RSRC2: variants seen among roughly 807,000 people sequenced by gnomAD.
The protein encoded by RSRC2 is arginine and serine rich coiled-coil 2.
A neutral mutation model predicts 61.3 loss-of-function variants in RSRC2; 5 were observed. The observed-to-expected ratio is 0.08, with a 90% CI of 0.04 to 0.17. The LOEUF (loss-of-function observed/expected upper bound fraction) is 0.17, where lower values mean the gene tolerates loss of function less well. RSRC2 is among the 10% of genes least tolerant of loss of function. RSRC2 has a pLI of 1.00. For missense variants in RSRC2, 381 were observed against 518.8 expected, an observed-to-expected ratio of 0.73 and a Z score of 2.58; for synonymous variants, 202 against 166.5, an observed-to-expected ratio of 1.21 and a Z score of -1.64.
chr12:122,517,994 G>A (rs1959061292), intron 4 of RSRC2, among the ~76,000 whole-genome samples: 1 of 152,200 alleles, frequency 6.6e-6, no homozygotes, highest in African/African-American at 2.4e-5. Flanking sequence ...GTGCCAGACA[G>A]ATTAAGTGGT....
rs552745240 is a variant in RSRC2 at position 122,504,926 on chromosome 12, T to A, written c.*601A>T. 6.5e-6 allele frequency: 1 copy of A among 152,788 alleles called. No homozygotes were observed. Among genetic ancestry groups the A allele is most frequent in the South Asian group, 2.1e-4 (1 of 4,830 alleles). The allele number at this position is 152,788 out of a possible 1,614,324, so 9.5% of individuals were successfully genotyped here. On this transcript the variant is annotated 3_prime_UTR_variant, in exon 10 of 10. Transcript: ENST00000331738. ...ACCACGGTATTGACTGTAGTATAGT[T>A]AACTGGCCTTAAAAAGGGTGGTGGG...
chr12:122,506,614 G>GTCTC (rs771476821), intron 9 of RSRC2: 2 of 439,412 alleles, frequency 4.6e-6, no homozygotes, highest in Non-Finnish European at 8.1e-6. Flanking sequence ...GCAAAACCCC[G>GTCTC]TCTCTCTCTC....
In RSRC2 at chr12:122,516,197, T is replaced by C. The variant is rs1005891147; in HGVS notation, c.603-970A>G. Among the ~76,000 whole-genome samples, 9 of 152,210 alleles carry C rather than the reference T, an allele frequency of 5.9e-5. 1 individual carries two copies. Among genetic ancestry groups the C allele is most frequent in the African/African-American group, 2.2e-4 (9 of 41,460 alleles). On this transcript the variant is annotated intron_variant, in intron 5 of 9. Coordinates refer to ENST00000331738, the MANE Select transcript of RSRC2 (RefSeq NM_023012.6). ...TTTAAATGTATGTTTCAATCTTTCATACACTGACCTAAGTTGCAATCAATT... is the reference window on the plus strand; with the variant it reads ...TTTAAATGTATGTTTCAATCTTTCACACACTGACCTAAGTTGCAATCAATT...
intron 8 of RSRC2, chr12:122,507,854 T>G: frequency 3.9e-6 from 1 of 257,728 alleles, no homozygotes; most frequent in Non-Finnish European, 7.7e-6. Context: ...CCTGGCTAAG[T>G]GGCATGATCT....
chr12:122,507,122 A>G (rs1030224418), intron 8 of RSRC2, 199 bp from the exon 9 acceptor site: 1 of 586,628 alleles, frequency 1.7e-6, no homozygotes, highest in East Asian at 3.3e-5. Context: ...TCACTCCTAT[A>G]ATCCCAGCAC....
intron 1 of RSRC2, chr12:122,522,969 T>A (rs868639137): frequency 6.6e-6 from 1 of 152,108 alleles, no homozygotes. Flanking sequence ...ACAATATAAA[T>A]TTTACAAGTT....
At chr12:122,525,899 G>C (rs1218606189) in intron 1 of RSRC2, among the ~76,000 whole-genome samples, 1 of 14,708 alleles carries the variant, frequency 6.8e-5, no homozygotes, top group Non-Finnish European at 1.1e-4. Flanking sequence ...TCGGTTCACT[G>C]CAAGCTCCGC....
At chr12:122,522,076 C>T (rs1363464426) in intron 2 of RSRC2, 67 bp downstream of exon 2, 1 of 1,463,500 alleles carries the variant, frequency 6.8e-7, no homozygotes. Context: ...TATGTGTCTT[C>T]TTATACAACA....
intron 6 of RSRC2, among the ~76,000 whole-genome samples, 199 bp from the exon 7 acceptor site, chr12:122,511,387 C>T (rs1283620293): frequency 1.3e-5 from 2 of 152,142 alleles, no homozygotes; most frequent in Non-Finnish European, 2.9e-5. Context: ...AATACCACAA[C>T]AGTGGTTTTA....
chr12:122,514,905 A>G, intron 6 of RSRC2, 200 bp downstream of exon 6: 1 of 690,380 alleles, frequency 1.4e-6, no homozygotes. Context: ...AAAAACAGAA[A>G]TTGTAGACAT....
At chr12:122,506,347 T>A (rs1354741669) in intron 9 of RSRC2, 2 of 154,880 alleles carry the variant, frequency 1.3e-5, no homozygotes, top group African/African-American at 2.4e-5. Flanking sequence ...AGGTCTGGAA[T>A]ATAGCAGGGT....
At position 122,517,213 on chromosome 12, in the gene RSRC2, T is replaced by A. The variant is rs774387143; in HGVS notation, c.602+14A>T. 6 of 1,613,968 alleles carry A rather than the reference T, an allele frequency of 3.7e-6. No homozygotes were observed. Among genetic ancestry groups the A allele is most frequent in the Non-Finnish European group, 5.1e-6 (6 of 1,179,940 alleles). On this transcript the variant is annotated intron_variant, in intron 5 of 9. Coordinates refer to ENST00000331738, the MANE Select transcript of RSRC2 (RefSeq NM_023012.6). ...GGGTCCTATTAAATTTTATTCAGGA[T>A]GATGGTCACCTACCGACTCCTACTC... is the stretch of plus-strand genomic sequence containing the variant.
intron 3 of RSRC2, chr12:122,520,438 A>G: frequency 1.1e-6 from 1 of 935,990 alleles, no homozygotes; most frequent in Non-Finnish European, 1.6e-6. Context: ...TAAAAAAAAC[A>G]TTAAAACCCT....
Position 122,505,425 on chromosome 12 carries a change from T to C in RSRC2, c.*102A>G, listed in dbSNP as rs942893969. 9.4e-7 allele frequency: 1 copy of C among 1,065,662 alleles called. No individual in the cohort carries two copies. The highest frequency in any genetic ancestry group is 1.4e-6 in the Non-Finnish European group (1 of 727,726). 66.0% of individuals were successfully genotyped at this position (1,065,662 alleles called of 1,614,324 possible). On this transcript the variant is annotated 3_prime_UTR_variant, in exon 10 of 10. Transcript: ENST00000331738. ...GTATTTTTCAATAAATTAAAGTCAA[T>C]GCAACACCCATGCAAGCTAGAGTGC...
At chr12:122,511,317 C>T (rs1021536553) in intron 6 of RSRC2, 129 bp from the exon 7 acceptor site, 18 of 571,854 alleles carry the variant, frequency 3.1e-5, no homozygotes, top group African/African-American at 2.5e-4. Flanking sequence ...ATCCCTCCAC[C>T]GATAGCCGTA....
intron 5 of RSRC2, among the ~76,000 whole-genome samples, chr12:122,516,178 T>A (rs1958904334): frequency 6.6e-6 from 1 of 152,230 alleles, no homozygotes; most frequent in Non-Finnish European, 1.5e-5. Flanking sequence ...CCTTTTTAAA[T>A]GTATGTTTCA....
At chr12:122,510,375 C>T (rs1958408993) in intron 7 of RSRC2, among the ~76,000 whole-genome samples, 2 of 152,074 alleles carry the variant, frequency 1.3e-5, no homozygotes, top group African/African-American at 4.8e-5. Context: ...ACTAAAAATA[C>T]AAAAATTAGC....
Position 122,503,694 on chromosome 12 carries a change from G to A in RSRC2, c.*1833C>T, listed in dbSNP as rs1396175743. On this transcript the variant is annotated 3_prime_UTR_variant, in exon 10 of 10. Transcript: ENST00000331738. ...ATCCATAGTGTCATTTCCTTAGAAGGCTTAGATTTGTCACTGAAACACGGT... is the reference window on the plus strand; with the variant it reads ...ATCCATAGTGTCATTTCCTTAGAAGACTTAGATTTGTCACTGAAACACGGT... 5 of 152,114 alleles carry A rather than the reference G, an allele frequency of 3.3e-5. No individual in the cohort carries two copies. The highest frequency in any genetic ancestry group is 5.9e-5 in the Non-Finnish European group (4 of 68,014). 9.4% of individuals were successfully genotyped at this position (152,114 alleles called of 1,614,324 possible).
intron 6 of RSRC2, among the ~76,000 whole-genome samples, chr12:122,512,161 A>G (rs1214833242): frequency 2.0e-5 from 3 of 152,228 alleles, no homozygotes; most frequent in Admixed American, 2.0e-4. Flanking sequence ...GTGTGCATAC[A>G]TTAAATTCAC....
Sources: gnomAD v4.1 joint callset for allele counts (sites outside exome capture counted in the v4.1 genomes callset) on GRCh38, gnomAD v4.1.1 for gene constraint, MANE v1.5 for transcripts, NCBI Gene and HGNC (gene_info 2026-07-23, HGNC 2026-07-21) for gene names.